The following CCNH variants were observed in gnomAD, a reference collection of about 807,000 sequenced individuals.
CCNH encodes the protein cyclin H.
In CCNH, 31 loss-of-function variants were observed where a neutral mutation model predicts 41.9. The observed-to-expected ratio is 0.74, with a 90% confidence interval of 0.56 to 1.00. The LOEUF (loss-of-function observed/expected upper bound fraction) is 1.00, where lower values mean the gene tolerates loss of function less well. Among genes scored for constraint, CCNH ranks in the 50% least tolerant of loss-of-function variants. CCNH has a pLI of 0.00. For missense variants in CCNH, 362 were observed against 388.4 expected, an observed-to-expected ratio of 0.93 and a Z score of 0.57; for synonymous variants, 138 against 136.1, an observed-to-expected ratio of 1.01 and a Z score of -0.10.
intron 7 of CCNH, 59 bp from the exon 8 acceptor site, chr5:87,395,163 TA>T: frequency 6.8e-7 from 1 of 1,462,298 alleles, no homozygotes. Context: ...CTATAAAATG[TA>T]AAATAAACTA....
At chr5:87,359,658 A>T (rs1759926883) in intron 9 of CCNH, among the ~76,000 whole-genome samples, 4 of 152,220 alleles carry the variant, frequency 2.6e-5, no homozygotes, top group Non-Finnish European at 5.9e-5. Flanking sequence ...TTTGATAAAT[A>T]CAAATCTGTA....
intron 9 of CCNH, among the ~76,000 whole-genome samples, chr5:87,364,829 A>T (rs1760384446): frequency 6.6e-6 from 1 of 152,070 alleles, no homozygotes; most frequent in Non-Finnish European, 1.5e-5. Context: ...CCACCTCTCA[A>T]CCAATTTTTA....
intron 9 of CCNH, among the ~76,000 whole-genome samples, chr5:87,349,852 T>G (rs1759129471): frequency 6.6e-6 from 1 of 151,916 alleles, no homozygotes; most frequent in South Asian, 2.1e-4. Flanking sequence ...AACTCATTGT[T>G]TGTCCCAAAA....
chr5:87,336,532 T>A (rs974029935), intron 9 of CCNH, among the ~76,000 whole-genome samples: 3 of 152,106 alleles, frequency 2.0e-5, no homozygotes, highest in African/African-American at 7.2e-5. Context: ...TAGCCTGTTT[T>A]AGGGGGGATA....
intron 2 of CCNH, 56 bp downstream of exon 2, chr5:87,411,168 G>A: frequency 6.5e-7 from 1 of 1,527,870 alleles, no homozygotes; most frequent in South Asian, 1.3e-5. Context: ...TTTAGAAGAG[G>A]TCAAATTTCA....
At chr5:87,412,074 G>T (rs1336796646) in intron 1 of CCNH, among the ~76,000 whole-genome samples, 1 of 152,266 alleles carries the variant, frequency 6.6e-6, no homozygotes, top group East Asian at 1.9e-4. Flanking sequence ...CCACGAGGTT[G>T]CTAGAGCGCT....
intron 9 of CCNH, among the ~76,000 whole-genome samples, chr5:87,358,128 C>A (rs894559692): frequency 1.3e-5 from 2 of 152,050 alleles, no homozygotes; most frequent in Non-Finnish European, 2.9e-5. Flanking sequence ...ATGAGGTGAC[C>A]CTGTGTACCC....
intron 1 of CCNH, among the ~76,000 whole-genome samples, chr5:87,412,064 C>G (rs1580471823): frequency 6.6e-6 from 1 of 152,270 alleles, no homozygotes; most frequent in East Asian, 1.9e-4. Context: ...AACCCATTCA[C>G]CACGAGGTTG....
chr5:87,412,485 A>T, intron 1 of CCNH, 193 bp downstream of exon 1: 1 of 1,422,092 alleles, frequency 7.0e-7, no homozygotes, highest in Non-Finnish European at 9.2e-7. Flanking sequence ...CCATTCGACG[A>T]CGGGGATGGC....
chr5:87,336,038 A>G (rs982290306), intron 9 of CCNH, among the ~76,000 whole-genome samples: 2 of 152,200 alleles, frequency 1.3e-5, no homozygotes, highest in African/African-American at 4.8e-5. Flanking sequence ...TCACAACTAC[A>G]TTCTTAGGTG....
chr5:87,316,059 C>T (rs1756310170), downstream of CCNH, among the ~76,000 whole-genome samples: 2 of 152,166 alleles, frequency 1.3e-5, no homozygotes, highest in South Asian at 2.1e-4. Context: ...TTTAAACTCA[C>T]ATTTTTGGAT....
intron 9 of CCNH, chr5:87,363,283 T>C: frequency 7.2e-7 from 1 of 1,380,100 alleles, no homozygotes; most frequent in Admixed American, 1.8e-5. Flanking sequence ...GAAACACTAA[T>C]TTTAATAATA....
intron 9 of CCNH, among the ~76,000 whole-genome samples, chr5:87,359,483 T>C (rs2112448138): frequency 6.6e-6 from 1 of 152,278 alleles, no homozygotes. Context: ...GTCCCCACTT[T>C]AATATGATTT....
chr5:87,387,794 A>G (rs1762168534), downstream of CCNH, among the ~76,000 whole-genome samples: 2 of 152,152 alleles, frequency 1.3e-5, no homozygotes, highest in Admixed American at 1.3e-4. Flanking sequence ...TTATAGTGAA[A>G]TTTATAGTGA....
Position 87,337,886 on chromosome 5 carries a change from A to C in CCNH, c.*91-18989T>G, listed in dbSNP as rs531719071. The stretch of plus-strand genomic sequence containing the variant: ...TCCTTACATTTTTCAATATAATACT[A>C]TCCCTATCCTATTTTGTGGTATATG... On this transcript the variant is annotated intron_variant and NMD_transcript_variant, in intron 9 of 9. Coordinates refer to the CCNH transcript ENST00000645953. 9 of 1,353,430 alleles carry C rather than the reference A, an allele frequency of 6.6e-6. No individual in the cohort carries two copies. The African/African-American group carries it at 8.8e-5, about 13-fold the overall frequency. 83.8% of individuals were successfully genotyped at this position (1,353,430 alleles called of 1,614,324 possible). A position where few individuals can be genotyped will look rare whatever the true frequency, so the allele number is the denominator to read the frequency against.
rs145354256 is a variant in CCNH at position 87,333,323 on chromosome 5, C to A, written c.*91-14426G>T. ...TTCTACCTTACACAAAAGTACCAGA[C>A]ACTGATGAAATAAGGTATTTTATAA... On this transcript the variant is annotated intron_variant and NMD_transcript_variant, in intron 9 of 9. Coordinates refer to the CCNH transcript ENST00000645953. The A allele has an allele frequency of 8.6e-5, 138 of 1,612,692 alleles. No individual in the cohort carries two copies. The highest frequency in any genetic ancestry group is 1.1e-4 in the Non-Finnish European group (129 of 1,179,400).
At chr5:87,370,187 C>T (rs1428783001) in intron 9 of CCNH, among the ~76,000 whole-genome samples, 2 of 152,158 alleles carry the variant, frequency 1.3e-5, no homozygotes, top group Non-Finnish European at 2.9e-5. Context: ...ATCCTCTCTG[C>T]ATAAAGGTTA....
At chr5:87,357,483 T>C (rs2112442471) in intron 9 of CCNH, among the ~76,000 whole-genome samples, 1 of 152,192 alleles carries the variant, frequency 6.6e-6, no homozygotes, top group East Asian at 1.9e-4. Context: ...CTTAGAATTT[T>C]CTAATTTAAG....
intron 9 of CCNH, chr5:87,363,534 G>T: frequency 6.3e-7 from 1 of 1,596,854 alleles, no homozygotes; most frequent in African/African-American, 1.3e-5. Flanking sequence ...TTTTTCTTTC[G>T]GAATTGTCTT....
Sources: gnomAD v4.1 joint callset for allele counts (sites outside exome capture counted in the v4.1 genomes callset) on GRCh38, gnomAD v4.1.1 for gene constraint, MANE v1.5 for transcripts, NCBI Gene and HGNC (gene_info 2026-07-23, HGNC 2026-07-21) for gene names.